Variants in NEDD9 observed in about 807,000 individuals in gnomAD.
NEDD9 encodes the protein neural precursor cell expressed, developmentally down-regulated 9.
Under a neutral mutation model 76.6 loss-of-function variants are expected in NEDD9, and 26 were observed. The ratio of observed to expected loss-of-function variants is 0.34; its 90% CI spans 0.25 to 0.47. The LOEUF is 0.47. Ranked by LOEUF, NEDD9 falls within the 20% of genes least tolerant of loss-of-function variation. The probability of loss-of-function intolerance (pLI) is 1.00; values close to 1 mark genes in which losing one functional copy is unlikely to be tolerated. For synonymous variants in NEDD9, 392 were observed against 414.2 expected, an observed-to-expected ratio of 0.95 and a Z score of 0.65; for missense variants, 937 against 1,058.5, an observed-to-expected ratio of 0.89 and a Z score of 1.59.
At chr6:11,265,289 T>C (rs1203897791) in intron 3 of NEDD9, among the ~76,000 whole-genome samples, 1 of 152,190 alleles carries the variant, frequency 6.6e-6, no homozygotes, top group Admixed American at 6.5e-5. Context: ...CAAGGAGAGA[T>C]AAGTGGAAAA....
At chr6:11,193,016 A>T (rs958440892) in intron 3 of NEDD9, among the ~76,000 whole-genome samples, 1 of 145,242 alleles carries the variant, frequency 6.9e-6, no homozygotes, top group African/African-American at 2.6e-5. Flanking sequence ...TAAATTTTCT[A>T]CTTTCCAGCT....
intron 2 of NEDD9, among the ~76,000 whole-genome samples, chr6:11,204,900 G>C (rs150238518): frequency 6.6e-6 from 1 of 152,040 alleles, no homozygotes; most frequent in Non-Finnish European, 1.5e-5. Flanking sequence ...ACAGCTAGGT[G>C]GGGGGAACTT....
intron 3 of NEDD9, chr6:11,248,949 T>C: frequency 2.7e-6 from 1 of 372,810 alleles, no homozygotes; most frequent in Non-Finnish European, 5.3e-6. Flanking sequence ...CCTTAGGCCC[T>C]GCCTTCTCCT....
At chr6:11,268,210 T>C (rs770111648) in intron 3 of NEDD9, among the ~76,000 whole-genome samples, 6 of 152,032 alleles carry the variant, frequency 3.9e-5, no homozygotes, top group Non-Finnish European at 7.4e-5. Flanking sequence ...TTGTATTGCT[T>C]TTTAATAGAG....
intron 3 of NEDD9, among the ~76,000 whole-genome samples, chr6:11,263,652 T>A (rs987850068): frequency 5.3e-5 from 8 of 152,186 alleles, no homozygotes; most frequent in Admixed American, 3.9e-4. Flanking sequence ...TTTGACATCA[T>A]GAGGTCATTG....
intron 3 of NEDD9, among the ~76,000 whole-genome samples, chr6:11,296,363 A>G (rs1452490082): frequency 6.6e-6 from 1 of 152,222 alleles, no homozygotes. Context: ...AACAGGTTAA[A>G]TTCTCTTTTA....
Position 11,244,276 on chromosome 6 carries a change from C to T in NEDD9, c.13-30549G>A, listed in dbSNP as rs180880474. Among the ~76,000 whole-genome samples the T allele has an allele frequency of 5.3e-5, 8 of 151,200 alleles. 1 individual carries two copies. In the East Asian group the frequency reaches 9.7e-4, roughly 18 times the overall value. ...CTTTCTCTTTACACACACACACACA[C>T]GTGTGTGCACGCACACACACACATA... is the stretch of plus-strand genomic sequence containing the variant. On this transcript the variant is annotated intron_variant, in intron 3 of 3. Transcript: ENST00000397378.
At chr6:11,289,812 T>G (rs565651792) in intron 3 of NEDD9, among the ~76,000 whole-genome samples, 5 of 151,898 alleles carry the variant, frequency 3.3e-5, no homozygotes, top group African/African-American at 1.2e-4. Flanking sequence ...GTGGGGAGGG[T>G]AGGGAAGGAG....
chr6:11,291,063 G>A (rs1226517992), intron 3 of NEDD9, among the ~76,000 whole-genome samples: 1 of 152,092 alleles, frequency 6.6e-6, no homozygotes, highest in African/African-American at 2.4e-5. Context: ...TGATGGAAGA[G>A]ACCCAGATCC....
rs115493357 is a variant in NEDD9, at chr6:11,295,807, A to G, written c.12+10185T>C. Among the ~76,000 whole-genome samples, 1,309 of 152,114 alleles carry G rather than the reference A, an allele frequency of 8.6e-3. 14 individuals carry two copies. The highest frequency in any genetic ancestry group is 0.014 in the Middle Eastern group (4 of 294). Reference sequence around the variant, plus strand: ...CTCTCCACAAACTTCCAGCATGCCAATCTCCATCTCAAAATTTGCTTCTCT... The same window carrying G: ...CTCTCCACAAACTTCCAGCATGCCAGTCTCCATCTCAAAATTTGCTTCTCT... On this transcript the variant is annotated intron_variant, in intron 3 of 3. Transcript: ENST00000397378.
chr6:11,346,093 T>C (rs749707041), intron 1 of NEDD9, among the ~76,000 whole-genome samples: 36 of 152,246 alleles, frequency 2.4e-4, no homozygotes, highest in Non-Finnish European at 3.8e-4. Flanking sequence ...TTTATTTATT[T>C]ATTTGGCTTT....
At chr6:11,304,347 C>T (rs1043111854) in intron 3 of NEDD9, among the ~76,000 whole-genome samples, 1 of 152,200 alleles carries the variant, frequency 6.6e-6, no homozygotes, top group Non-Finnish European at 1.5e-5. Flanking sequence ...AAGGGTTTTA[C>T]ACTGTTGGTG....
At chr6:11,200,858 G>A in intron 2 of NEDD9, 1 of 1,572,966 alleles carries the variant, frequency 6.4e-7, no homozygotes. Context: ...GGAAACCCCA[G>A]GAGAAAATGT....
intron 1 of NEDD9, among the ~76,000 whole-genome samples, chr6:11,377,900 C>A (rs1369853339): frequency 6.6e-6 from 1 of 152,128 alleles, no homozygotes; most frequent in African/African-American, 2.4e-5. Flanking sequence ...TGAATTAACA[C>A]CATCTATCTG....
chr6:11,285,692 A>G (rs1385809097), intron 3 of NEDD9, among the ~76,000 whole-genome samples: 2 of 152,240 alleles, frequency 1.3e-5, no homozygotes, highest in African/African-American at 4.8e-5. Context: ...TAAGTGGAAT[A>G]GAAAGAGGCC....
At chr6:11,364,630 C>T (rs996653766) in intron 1 of NEDD9, among the ~76,000 whole-genome samples, 5 of 152,082 alleles carry the variant, frequency 3.3e-5, no homozygotes, top group African/African-American at 4.8e-5. Context: ...CCAAAGTTCC[C>T]TCATTAAGTG....
At chr6:11,192,907 C>T (rs1758194036) in intron 3 of NEDD9, among the ~76,000 whole-genome samples, 1 of 107,502 alleles carries the variant, frequency 9.3e-6, no homozygotes, top group South Asian at 3.3e-4. Context: ...CACTCCCAGC[C>T]TGGTGACAGA....
At chr6:11,192,277 C>T in intron 4 of NEDD9, 68 bp downstream of exon 4, 1 of 224,958 alleles carries the variant, frequency 4.4e-6, no homozygotes, top group Non-Finnish European at 8.6e-6. Context: ...ACCCTCCCAA[C>T]CCTGCACCCC....
At chr6:11,196,720 C>A (rs1758303979) in intron 2 of NEDD9, among the ~76,000 whole-genome samples, 1 of 152,114 alleles carries the variant, frequency 6.6e-6, no homozygotes, top group Non-Finnish European at 1.5e-5. Context: ...CCGATTCCAG[C>A]CTTCCTGACA....
Sources: gnomAD v4.1 joint callset for allele counts (sites outside exome capture counted in the v4.1 genomes callset) on GRCh38, gnomAD v4.1.1 for gene constraint, MANE v1.5 for transcripts, NCBI Gene and HGNC (gene_info 2026-07-23, HGNC 2026-07-21) for gene names.